The following VRK1 variants were observed in gnomAD, a reference collection of about 807,000 sequenced individuals.
VRK1 encodes VRK serine/threonine kinase 1, also known as serine/threonine-protein kinase VRK1.
VRK1 carries 33 observed loss-of-function variants against 57.1 expected under a neutral mutation model. That is an observed-to-expected ratio of 0.58 (90% CI 0.44 to 0.77). The LOEUF (loss-of-function observed/expected upper bound fraction) is 0.77. Among genes scored for constraint, VRK1 ranks in the 30% least tolerant of loss-of-function variants. VRK1 has a pLI of 0.00. For missense variants in VRK1, 413 were observed against 477.3 expected (o/e 0.87, Z 1.25); for synonymous variants, 137 against 147.8 (o/e 0.93, Z 0.53).
At chr14:96,816,210 T>C (rs1417244231) in intron 1 of VRK1, among the ~76,000 whole-genome samples, 1 of 152,168 alleles carries the variant, frequency 6.6e-6, no homozygotes, top group Non-Finnish European at 1.5e-5. Context: ...GTAGGCCATG[T>C]TCTCCTACTA....
At chr14:96,801,807 G>A (rs1242577392) in intron 1 of VRK1, among the ~76,000 whole-genome samples, 3 of 152,112 alleles carry the variant, frequency 2.0e-5, no homozygotes, top group East Asian at 1.9e-4. Flanking sequence ...TTCATGAAGC[G>A]GAAGTGGGCC....
intron 1 of VRK1, among the ~76,000 whole-genome samples, chr14:96,809,477 A>T (rs999512829): frequency 6.6e-6 from 1 of 151,696 alleles, no homozygotes; most frequent in Non-Finnish European, 1.5e-5. Context: ...ATCTTTTGGC[A>T]TACTTTTATA....
At chr14:96,815,771 G>C (rs1309103719) in intron 1 of VRK1, among the ~76,000 whole-genome samples, 2 of 151,728 alleles carry the variant, frequency 1.3e-5, no homozygotes, top group African/African-American at 4.8e-5. Context: ...GGTGGCACTG[G>C]TCTGTAGTCC....
At chr14:96,873,980 C>T (rs1222264822) in intron 11 of VRK1, among the ~76,000 whole-genome samples, 2 of 152,106 alleles carry the variant, frequency 1.3e-5, no homozygotes, top group Admixed American at 6.6e-5. Flanking sequence ...TCTGATTTTC[C>T]TTCCTATGTA....
chr14:96,801,712 A>G (rs1885669475), intron 1 of VRK1, among the ~76,000 whole-genome samples: 1 of 152,238 alleles, frequency 6.6e-6, no homozygotes, highest in Non-Finnish European at 1.5e-5. Context: ...TATATGTACT[A>G]TATGCTATAT....
chr14:96,800,992 C>G (rs1448883668), intron 1 of VRK1, among the ~76,000 whole-genome samples: 1 of 152,020 alleles, frequency 6.6e-6, no homozygotes, highest in Non-Finnish European at 1.5e-5. Flanking sequence ...TATAGTTGGT[C>G]CTGCAGGGGA....
intron 11 of VRK1, among the ~76,000 whole-genome samples, chr14:96,866,707 TG>T (rs1157478107): frequency 6.6e-6 from 1 of 152,176 alleles, no homozygotes; most frequent in Non-Finnish European, 1.5e-5. Context: ...TCTTCTAGAC[TG>T]GGGGCCACTG....
chr14:96,853,907 G>A (rs1888048151), intron 7 of VRK1, among the ~76,000 whole-genome samples: 2 of 152,112 alleles, frequency 1.3e-5, no homozygotes, highest in Non-Finnish European at 2.9e-5. Flanking sequence ...TGGGTACTTT[G>A]ATTATTGTAA....
chr14:96,877,375 G>A (rs1889082899), intron 12 of VRK1: 1 of 527,982 alleles, frequency 1.9e-6, no homozygotes, highest in Middle Eastern at 4.5e-4. Context: ...TACCTGAAGA[G>A]GGAATATATA....
At position 96,822,397 on chromosome 14, in the gene VRK1, C is replaced by A. The variant is rs139776344; in HGVS notation, c.-5-11070C>A. 8.0e-4 allele frequency among the ~76,000 whole-genome samples: 120 copies of A among 150,240 alleles called. 1 individual carries two copies. The highest frequency in any genetic ancestry group is 2.8e-3 in the African/African-American group (115 of 41,420). On this transcript the variant is annotated intron_variant, in intron 1 of 12. Coordinates refer to ENST00000216639, the MANE Select transcript of VRK1 (RefSeq NM_003384.3). ...ATGGTAAAGTTTTTGTATTTCTTGT[C>A]AAAAAGTTGCAGACCATTCACTCTA...
intron 3 of VRK1, among the ~76,000 whole-genome samples, chr14:96,845,767 T>C (rs558985625): frequency 4.4e-4 from 67 of 152,222 alleles, no homozygotes; most frequent in Non-Finnish European, 8.1e-4. Flanking sequence ...ACAGTTAAGA[T>C]GATTGCTCAT....
At position 96,860,710 on chromosome 14, in the gene VRK1, G is replaced by A. The variant is rs1888353450; in HGVS notation, c.1043G>A (p.Gly348Asp). The change falls in exon 11 of 13, where the codon GGT (glycine) becomes GAT (aspartate). Residue 348 changes from glycine to aspartate, a missense_variant. Transcript: ENST00000216639. ...KLDLSVVENG[G>D]LKAKTITKKR... is the part of the protein sequence containing the mutation. The stretch of plus-strand genomic sequence containing the variant: ...GACCTCAGTGTTGTGGAGAATGGAG[G>A]TTTGAAAGCAAAAACAATAACAAAG... 2 of 1,612,892 alleles carry A rather than the reference G, an allele frequency of 1.2e-6. No individual in the cohort carries two copies. Among genetic ancestry groups the A allele is most frequent in the Admixed American group, 1.7e-5 (1 of 59,988 alleles).
intron 3 of VRK1, among the ~76,000 whole-genome samples, chr14:96,845,048 C>T (rs1887623790): frequency 6.6e-6 from 1 of 152,132 alleles, no homozygotes; most frequent in Non-Finnish European, 1.5e-5. Context: ...TAGTAGGCCT[C>T]ATTACTCACT....
At chr14:96,818,949 T>A (rs563651815) in intron 1 of VRK1, among the ~76,000 whole-genome samples, 27 of 152,336 alleles carry the variant, frequency 1.8e-4, no homozygotes, top group Admixed American at 1.4e-3. Context: ...TCAAATGATT[T>A]CTTAGCACTA....
At chr14:96,828,702 G>C (rs529213012) in intron 1 of VRK1, among the ~76,000 whole-genome samples, 1 of 152,088 alleles carries the variant, frequency 6.6e-6, no homozygotes, top group East Asian at 1.9e-4. Flanking sequence ...TTCTAGGAAG[G>C]TTGTGTTAAA....
intron 1 of VRK1, among the ~76,000 whole-genome samples, chr14:96,801,554 T>C (rs1354315472): frequency 1.3e-5 from 2 of 152,158 alleles, no homozygotes; most frequent in Non-Finnish European, 2.9e-5. Flanking sequence ...GTAATTACAG[T>C]GTACCCTTGA....
intron 10 of VRK1, among the ~76,000 whole-genome samples, chr14:96,859,359 CTTCT>C (rs1375821929): frequency 6.6e-6 from 1 of 152,010 alleles, no homozygotes; most frequent in African/African-American, 2.4e-5. Context: ...CTCTTTATGC[CTTCT>C]ATTTATTTTC....
chr14:96,840,476 T>A (rs1887412398), intron 3 of VRK1, among the ~76,000 whole-genome samples: 1 of 152,190 alleles, frequency 6.6e-6, no homozygotes, highest in Non-Finnish European at 1.5e-5. Flanking sequence ...TTCTTCTTCT[T>A]CATTTATGGA....
chr14:96,859,558 G>GT (rs1566712524), intron 10 of VRK1, among the ~76,000 whole-genome samples: 1 of 152,054 alleles, frequency 6.6e-6, no homozygotes, highest in Non-Finnish European at 1.5e-5. Context: ...ATTGTTGTCC[G>GT]TTTTTTTCTT....
Sources: gnomAD v4.1 joint callset for allele counts (sites outside exome capture counted in the v4.1 genomes callset) on GRCh38, gnomAD v4.1.1 for gene constraint, MANE v1.5 for transcripts, NCBI Gene and HGNC (gene_info 2026-07-23, HGNC 2026-07-21) for gene names.